Variants in ALG1 observed in about 807,000 individuals in gnomAD.
ALG1 encodes chitobiosyldiphosphodolichol beta-mannosyltransferase.
ALG1 carries 58 observed loss-of-function variants against 55.1 expected under a neutral mutation model. The ratio of observed to expected loss-of-function variants is 1.05; its 90% CI spans 0.85 to 1.31. ALG1 has a LOEUF of 1.31. Ranked by LOEUF, ALG1 falls within the 50% of genes most tolerant of loss-of-function variation. The probability of loss-of-function intolerance (pLI) is 0.00; values close to 1 mark genes in which losing one functional copy is unlikely to be tolerated. For missense variants in ALG1, 761 were observed against 598.6 expected (o/e 1.27, Z -2.83); for synonymous variants, 309 against 247.0 (o/e 1.25, Z -2.35).
chr16:5,072,169 A>G, intron 1 of ALG1, 112 bp downstream of exon 1: 1 of 1,525,322 alleles, frequency 6.6e-7, no homozygotes, highest in Non-Finnish European at 8.8e-7. Flanking sequence ...GCCTTTGGGC[A>G]GCTCTCCGAG....
Position 5,073,158 on chromosome 16 carries a change from C to T in ALG1, c.292C>T (p.Pro98Ser), listed in dbSNP as rs1252818613. Residue 98 changes from proline (P) to serine (S), a missense_variant, in exon 3 of 13, where the codon CCC (proline) becomes TCC (serine). Pro to Ser is a moderately conservative substitution (Grantham distance 74). Transcript: ENST00000262374. ...AGGTGTTTTCTGACTTGCAGTTGGGCCCCGAGTTTTCCAGTACGGAGTCAA... is the reference window on the plus strand; with the variant it reads ...AGGTGTTTTCTGACTTGCAGTTGGGTCCCGAGTTTTCCAGTACGGAGTCAA... ...LTELQSLAVG[P>S]RVFQYGVKVV... 1 of 1,614,108 alleles carries T rather than the reference C, an allele frequency of 6.2e-7. No homozygotes were observed. The highest frequency in any genetic ancestry group is 8.5e-7 in the Non-Finnish European group (1 of 1,180,022).
At chr16:5,079,195 G>T in intron 8 of ALG1, 93 bp downstream of exon 8, 3 of 1,522,174 alleles carry the variant, frequency 2.0e-6, no homozygotes, top group South Asian at 1.2e-5. Context: ...TCCTGTCCCA[G>T]GCCACTGGGT....
intron 1 of ALG1, chr16:5,072,438 C>T: frequency 2.3e-6 from 1 of 442,204 alleles, no homozygotes; most frequent in South Asian, 2.2e-5. Flanking sequence ...GCTCTGCAGA[C>T]AGATGTTTTC....
chr16:5,078,699 C>T, intron 6 of ALG1, 58 bp from the exon 7 acceptor site: 2 of 1,611,774 alleles, frequency 1.2e-6, no homozygotes, highest in South Asian at 2.2e-5. Context: ...GGAGATGCCT[C>T]TCCTGGGTCC....
At chr16:5,072,298 C>A in intron 1 of ALG1, 1 of 1,424,720 alleles carries the variant, frequency 7.0e-7, no homozygotes, top group Admixed American at 2.7e-5. Context: ...TCACGTAATT[C>A]TCCTAGTAAG....
intron 9 of ALG1, among the ~76,000 whole-genome samples, chr16:5,080,073 CTT>C (rs34927441): frequency 1.1e-4 from 15 of 134,536 alleles, no homozygotes; most frequent in Admixed American, 7.6e-5. Context: ...TCATTGGTGT[CTT>C]TTTTTTTTTT....
chr16:5,082,156 G>A (rs576959598), intron 10 of ALG1, among the ~76,000 whole-genome samples: 1 of 152,166 alleles, frequency 6.6e-6, no homozygotes, highest in Non-Finnish European at 1.5e-5. Flanking sequence ...TGTGGGCCAG[G>A]CTGGTCTTGA....
chr16:5,081,206 C>A (rs1203184499), intron 10 of ALG1, 150 bp downstream of exon 10: 8 of 1,056,976 alleles, frequency 7.6e-6, no homozygotes, highest in Non-Finnish European at 1.1e-5. Flanking sequence ...CCTGGTGTGC[C>A]AGCCCCTCCC....
chr16:5,075,490 G>A lies in ALG1; in HGVS notation c.493G>A (p.Gly165Ser), dbSNP rs1192356042. The change falls in exon 4 of 13, where the codon GGT (glycine) becomes AGT (serine). Residue 165 changes from glycine to serine, a missense_variant. Physicochemically the swap from Gly to Ser is moderately conservative, Grantham distance 56 (BLOSUM62 0). Transcript: ENST00000262374. The stretch of plus-strand genomic sequence containing the variant: ...GCACAACTATGGCTACTCCATCATG[G>A]GTCTGGTGCATGGCCCCAACCATCC... ...DWHNYGYSIM[G>S]LVHGPNHPLV... The A allele has an allele frequency of 6.2e-7, 1 of 1,614,130 alleles. No individual in the cohort carries two copies. The highest frequency in any genetic ancestry group is 8.5e-7 in the Non-Finnish European group (1 of 1,180,032).
At chr16:5,080,100 C>G (rs1596258776) in intron 9 of ALG1, among the ~76,000 whole-genome samples, 1 of 139,036 alleles carries the variant, frequency 7.2e-6, no homozygotes, top group African/African-American at 2.7e-5. Context: ...GAGACAGAGT[C>G]TCTGTCGCCC....
chr16:5,086,138 C>G lies in ALG1; in HGVS notation c.*1257C>G, dbSNP rs1240067567. Among the ~76,000 whole-genome samples, 3 of 152,158 alleles carry G rather than the reference C, an allele frequency of 2.0e-5. No homozygotes were observed. The highest frequency in any genetic ancestry group is 4.4e-5 in the Non-Finnish European group (3 of 68,028). On this transcript the variant is annotated 3_prime_UTR_variant, in exon 13 of 13. Coordinates refer to ENST00000262374, the MANE Select transcript of ALG1 (RefSeq NM_019109.5). ...ATCACTTGAGGTCAGGAGTTCGAGA[C>G]CAGCCTGGCCAACATGGTGAAATCC... is the stretch of plus-strand genomic sequence containing the variant.
rs1957211928 is a variant in ALG1, at chr16:5,087,234, A to G, written c.*2353A>G. 6.6e-6 allele frequency: 1 copy of G among 152,238 alleles called. No homozygotes were observed. Among genetic ancestry groups the G allele is most frequent in the South Asian group, 2.1e-4 (1 of 4,838 alleles). 9.4% of individuals were successfully genotyped at this position (152,238 alleles called of 1,614,324 possible). A position where few individuals can be genotyped will look rare whatever the true frequency, so the allele number is the denominator to read the frequency against. ...TGAGCTAAAAGAAAAAAAATCACAA[A>G]AAAACCTCGTACTGTTTGAAGAAAG... is the stretch of plus-strand genomic sequence containing the variant. On this transcript the variant is annotated 3_prime_UTR_variant, in exon 13 of 13. Coordinates refer to ENST00000262374, the MANE Select transcript of ALG1 (RefSeq NM_019109.5).
At chr16:5,072,856 C>A in intron 1 of ALG1, 95 bp from the exon 2 acceptor site, 2 of 1,182,486 alleles carry the variant, frequency 1.7e-6, no homozygotes, top group Non-Finnish European at 2.5e-6. Context: ...ATCTTACTTT[C>A]CAAAACACTG....
At chr16:5,073,367 C>G (rs768138921) in intron 3 of ALG1, 111 bp downstream of exon 3, 1 of 946,670 alleles carries the variant, frequency 1.1e-6, no homozygotes. Flanking sequence ...TGTGTATGGG[C>G]GTTTAAAGAC....
In ALG1 at chr16:5,073,441, A is replaced by C. The variant is rs915355722; in HGVS notation, c.390+185A>C. 1.1e-5 allele frequency: 7 copies of C among 648,970 alleles called. No individual in the cohort carries two copies. In the Admixed American group the frequency reaches 1.2e-4, roughly 11 times the overall value. The allele number at this position is 648,970 out of a possible 1,614,324, so 40.2% of individuals were successfully genotyped here. A position where few individuals can be genotyped will look rare whatever the true frequency, so the allele number is the denominator to read the frequency against. On this transcript the variant is annotated intron_variant, in intron 3 of 12. Transcript: ENST00000262374. ...CTATCCATGCTCTCTGTGTCATTAC[A>C]GATAGTCTTACATTGTACTGACTGT...
intron 12 of ALG1, chr16:5,084,385 C>G (rs1253681974): frequency 4.6e-6 from 2 of 433,490 alleles, no homozygotes; most frequent in South Asian, 2.2e-5. Context: ...ATCCTTGATT[C>G]AGACAGTTTA....
chr16:5,076,700 C>T (rs1956921044), intron 4 of ALG1, among the ~76,000 whole-genome samples: 1 of 152,208 alleles, frequency 6.6e-6, no homozygotes, highest in Non-Finnish European at 1.5e-5. Context: ...ATCCCTTTGC[C>T]CCACGTTGAG....
chr16:5,085,272 G>A lies in ALG1; in HGVS notation c.*391G>A. 4.1e-6 allele frequency: 2 copies of A among 492,900 alleles called. No homozygotes were observed. The highest frequency in any genetic ancestry group is 7.8e-5 in the East Asian group (2 of 25,560). The allele number at this position is 492,900 out of a possible 1,614,324, so 30.5% of individuals were successfully genotyped here. ...AGCACCTGCTGCACCGTAAGCCCAG[G>A]GATGTGGCAGCTGCAGTGGGCTTGG... On this transcript the variant is annotated 3_prime_UTR_variant, in exon 13 of 13. Transcript: ENST00000262374.
At position 5,085,869 on chromosome 16, in the gene ALG1, G is replaced by A. The variant is rs9933366; in HGVS notation, c.*988G>A. The A allele has an allele frequency of 6.1e-3, 4,426 of 725,886 alleles. 143 individuals carry two copies. The African/African-American group carries it at 0.067, about 11-fold the overall frequency. 45.0% of individuals were successfully genotyped at this position (725,886 alleles called of 1,614,324 possible). On this transcript the variant is annotated 3_prime_UTR_variant, in exon 13 of 13. Transcript: ENST00000262374. ...GTTTACTTGGTTCACAGGTTCCCAG[G>A]CCCACCCAGGTGCCTAGAATTGGCC...
Sources: gnomAD v4.1 joint callset for allele counts (sites outside exome capture counted in the v4.1 genomes callset) on GRCh38, gnomAD v4.1.1 for gene constraint, MANE v1.5 for transcripts, NCBI Gene and HGNC (gene_info 2026-07-23, HGNC 2026-07-21) for gene names.